Variants in IKBKB-DT observed in about 807,000 individuals in gnomAD.
The protein encoded by IKBKB-DT is IKBKB divergent transcript.
intron 1 of IKBKB-DT, among the ~76,000 whole-genome samples, chr8:42,268,425 G>T (rs142048112): frequency 6.6e-6 from 1 of 151,282 alleles, no homozygotes; most frequent in Non-Finnish European, 1.5e-5. Context: ...GTAAGCCACT[G>T]TGCCTGGCCT....
At chr8:42,267,977 G>C (rs1322342210) in intron 1 of IKBKB-DT, among the ~76,000 whole-genome samples, 1 of 152,154 alleles carries the variant, frequency 6.6e-6, no homozygotes, top group East Asian at 1.9e-4. Flanking sequence ...AATTACAGGA[G>C]CGCAGAGTAA....
rs773177896 is a variant in IKBKB-DT, at chr8:42,241,224, C to CTTTTTTTTTTTTTTTTTT, written n.1530-7383_1530-7366dup. On this transcript the variant is annotated intron_variant and non_coding_transcript_variant, in intron 3 of 3. Coordinates refer to ENST00000518213, the Ensembl canonical transcript of IKBKB-DT. ...TTGATGCCTTTAGATATGTTGGAAT[C>CTTTTTTTTTTTTTTTTTT]TTTTTTTTTTTTTTTTTTTTTTTTT... 5.3e-4 allele frequency among the ~76,000 whole-genome samples: 24 copies of CTTTTTTTTTTTTTTTTTT among 45,694 alleles called. 8 individuals are homozygous for CTTTTTTTTTTTTTTTTTT. Among genetic ancestry groups the CTTTTTTTTTTTTTTTTTT allele is most frequent in the East Asian group, 3.0e-3 (2 of 674 alleles). The allele number at this position is 45,694 out of a possible 152,430, so 30.0% of individuals were successfully genotyped here.
At chr8:42,267,178 G>A (rs1585470922) in intron 1 of IKBKB-DT, among the ~76,000 whole-genome samples, 1 of 151,734 alleles carries the variant, frequency 6.6e-6, no homozygotes, top group South Asian at 2.1e-4. Context: ...CTAATTTTTT[G>A]TATTTTTAGT....
intron 3 of IKBKB-DT, chr8:42,255,353 G>A (rs1340396655): frequency 6.6e-6 from 1 of 152,138 alleles, no homozygotes; most frequent in Non-Finnish European, 1.5e-5. Flanking sequence ...CTTTTAATAA[G>A]GAATCTCAGG....
intron 3 of IKBKB-DT, among the ~76,000 whole-genome samples, chr8:42,243,919 G>A (rs967393767): frequency 1.3e-5 from 2 of 152,168 alleles, no homozygotes; most frequent in African/African-American, 4.8e-5. Flanking sequence ...GTAGAAACTG[G>A]CTGAACTCAG....
chr8:42,265,498 G>A (rs945226940), intron 2 of IKBKB-DT: 1 of 152,442 alleles, frequency 6.6e-6, no homozygotes, highest in South Asian at 2.1e-4. Context: ...CCACTGACAA[G>A]GGGAAGTGCA....
intron 3 of IKBKB-DT, among the ~76,000 whole-genome samples, chr8:42,254,607 T>C: frequency 7.0e-6 from 1 of 142,018 alleles, no homozygotes; most frequent in African/African-American, 2.7e-5. Flanking sequence ...GAAGCACCTC[T>C]CCCCGGCTGC....
chr8:42,239,519 A>G (rs919298875), intron 3 of IKBKB-DT, among the ~76,000 whole-genome samples: 2 of 149,786 alleles, frequency 1.3e-5, no homozygotes, highest in South Asian at 2.1e-4. Context: ...CAAATTACCA[A>G]TTTGAGGCCC....
intron 3 of IKBKB-DT, among the ~76,000 whole-genome samples, chr8:42,255,003 C>T (rs1807179024): frequency 6.6e-6 from 1 of 151,462 alleles, no homozygotes; most frequent in African/African-American, 2.4e-5. Context: ...TCTGCCCGGC[C>T]ACCACCCCAT....
intron 3 of IKBKB-DT, among the ~76,000 whole-genome samples, chr8:42,234,785 A>G (rs1255624109): frequency 2.0e-5 from 3 of 152,010 alleles, no homozygotes; most frequent in Non-Finnish European, 4.4e-5. Context: ...GTCCACCATC[A>G]CGCCTGACTA....
intron 3 of IKBKB-DT, among the ~76,000 whole-genome samples, chr8:42,254,814 A>C (rs937169843): frequency 4.3e-5 from 6 of 139,682 alleles, no homozygotes; most frequent in African/African-American, 1.6e-4. Flanking sequence ...CGGCTACCCC[A>C]TCTGGGAAGT....
chr8:42,252,508 G>A (rs781714174), intron 3 of IKBKB-DT, among the ~76,000 whole-genome samples: 39 of 152,116 alleles, frequency 2.6e-4, no homozygotes, highest in Non-Finnish European at 4.6e-4. Flanking sequence ...TGGGACTACC[G>A]GTGCGTGCCA....
intron 3 of IKBKB-DT, among the ~76,000 whole-genome samples, chr8:42,242,213 T>G (rs1449352123): frequency 6.6e-6 from 1 of 151,940 alleles, no homozygotes; most frequent in Non-Finnish European, 1.5e-5. Flanking sequence ...AGACTCCATC[T>G]CAAAAATAAA....
intron 3 of IKBKB-DT, among the ~76,000 whole-genome samples, chr8:42,259,272 C>T (rs1432759606): frequency 6.6e-6 from 1 of 151,880 alleles, no homozygotes; most frequent in Non-Finnish European, 1.5e-5. Context: ...TGATCTGCTC[C>T]CCTTGGCCTC....
intron 3 of IKBKB-DT, among the ~76,000 whole-genome samples, chr8:42,250,543 T>C (rs1807117941): frequency 1.3e-5 from 2 of 152,204 alleles, no homozygotes; most frequent in Admixed American, 6.5e-5. Flanking sequence ...AGGGCTACTA[T>C]CGTTTAAACT....
chr8:42,247,678 G>T (rs367802404), intron 3 of IKBKB-DT, among the ~76,000 whole-genome samples: 3 of 152,258 alleles, frequency 2.0e-5, no homozygotes, highest in East Asian at 1.9e-4. Context: ...GGAGGTGATT[G>T]GATCATGGGG....
intron 3 of IKBKB-DT, among the ~76,000 whole-genome samples, chr8:42,248,095 A>AG (rs1221467202): frequency 7.1e-6 from 1 of 140,388 alleles, no homozygotes; most frequent in Non-Finnish European, 1.6e-5. Flanking sequence ...TCCGTCTCGG[A>AG]AAAAAAAAAA....
At chr8:42,266,431 G>A (rs899316473) in intron 1 of IKBKB-DT, 1 of 152,194 alleles carries the variant, frequency 6.6e-6, no homozygotes, top group African/African-American at 2.4e-5. Flanking sequence ...TTTAATCAGT[G>A]GATGACATAA....
intron 3 of IKBKB-DT, among the ~76,000 whole-genome samples, chr8:42,253,598 C>T (rs1563276920): frequency 6.6e-6 from 1 of 152,182 alleles, no homozygotes; most frequent in Non-Finnish European, 1.5e-5. Context: ...AATAACAAAA[C>T]TTCAAAGACA....
Sources: gnomAD v4.1 joint callset for allele counts (sites outside exome capture counted in the v4.1 genomes callset) on GRCh38, gnomAD v4.1.1 for gene constraint, MANE v1.5 for transcripts, NCBI Gene and HGNC (gene_info 2026-07-23, HGNC 2026-07-21) for gene names.